CCDC175: variants seen among roughly 807,000 people sequenced by gnomAD.
CCDC175 encodes coiled-coil domain-containing protein 175.
A neutral mutation model predicts 114.6 loss-of-function variants in CCDC175; 100 were observed. That is an observed-to-expected ratio of 0.87 (90% CI 0.74 to 1.03). The LOEUF (loss-of-function observed/expected upper bound fraction) is 1.03. Ranked by LOEUF, CCDC175 falls within the 50% of genes least tolerant of loss-of-function variation. The pLI is 0.00. For missense variants in CCDC175, 880 were observed against 917.8 expected (o/e 0.96, Z 0.53); for synonymous variants, 306 against 308.7 (o/e 0.99, Z 0.09).
At chr14:59,541,289 C>T (rs879123829) in intron 10 of CCDC175, among the ~76,000 whole-genome samples, 2 of 152,166 alleles carry the variant, frequency 1.3e-5, no homozygotes, top group South Asian at 4.1e-4. Flanking sequence ...AATATAGTTT[C>T]TTGAACTGGG....
chr14:59,514,477 T>C (rs933105388), intron 17 of CCDC175, among the ~76,000 whole-genome samples: 1 of 152,110 alleles, frequency 6.6e-6, no homozygotes, highest in Non-Finnish European at 1.5e-5. Flanking sequence ...TTAAAGGACC[T>C]GATGGAGCTG....
chr14:59,531,964 C>T, intron 13 of CCDC175, 54 bp from the exon 14 acceptor site: 2 of 862,648 alleles, frequency 2.3e-6, no homozygotes, highest in Admixed American at 2.9e-5. Flanking sequence ...ATTCACACAA[C>T]AATTTAAAGT....
chr14:59,534,059 T>TA (rs1308263177), intron 13 of CCDC175, among the ~76,000 whole-genome samples: 1 of 151,598 alleles, frequency 6.6e-6, no homozygotes, highest in African/African-American at 2.4e-5. Flanking sequence ...GAATAGCCTG[T>TA]AAATACAAGT....
chr14:59,510,444 C>A (rs774933151), intron 19 of CCDC175: 3 of 498,008 alleles, frequency 6.0e-6, no homozygotes, highest in Admixed American at 3.4e-5. Context: ...CTAGAAAATT[C>A]TCTTAGGTGA....
At chr14:59,547,533 T>C (rs948113569) in intron 8 of CCDC175, among the ~76,000 whole-genome samples, 7 of 152,168 alleles carry the variant, frequency 4.6e-5, no homozygotes, top group African/African-American at 1.7e-4. Flanking sequence ...GAGTCAACAA[T>C]CCACATATAC....
At chr14:59,529,127 G>A (rs544109376) in intron 14 of CCDC175, among the ~76,000 whole-genome samples, 6 of 152,180 alleles carry the variant, frequency 3.9e-5, no homozygotes, top group South Asian at 2.1e-4. Flanking sequence ...ATCGAATGTC[G>A]GTGCTGTTGT....
chr14:59,510,939 C>A, intron 18 of CCDC175, 131 bp from the exon 19 acceptor site: 2 of 764,698 alleles, frequency 2.6e-6, no homozygotes, highest in Admixed American at 2.8e-5. Flanking sequence ...AAAATAAGTG[C>A]TTGTGTACAC....
chr14:59,519,895 G>A (rs1465418853), intron 17 of CCDC175, among the ~76,000 whole-genome samples: 1 of 152,218 alleles, frequency 6.6e-6, no homozygotes, highest in Non-Finnish European at 1.5e-5. Flanking sequence ...CTGCTACATG[G>A]AGAGGCCATG....
At chr14:59,538,935 T>C in intron 11 of CCDC175, 95 bp from the exon 12 acceptor site, 1 of 1,163,502 alleles carries the variant, frequency 8.6e-7, no homozygotes, top group Non-Finnish European at 1.2e-6. Context: ...ATACTATGAC[T>C]ACACAAAATT....
intron 4 of CCDC175, among the ~76,000 whole-genome samples, chr14:59,566,893 G>C (rs924453284): frequency 6.6e-6 from 1 of 152,190 alleles, no homozygotes. Context: ...TTTCCGTAAA[G>C]ATTTGTCTAG....
intron 4 of CCDC175, 69 bp from the exon 5 acceptor site, chr14:59,565,344 G>T: frequency 8.3e-7 from 1 of 1,208,116 alleles, no homozygotes; most frequent in Non-Finnish European, 1.1e-6. Flanking sequence ...TGTGTGGTGA[G>T]AAGAGCCCTC....
At chr14:59,511,026 A>G (rs181652447) in intron 18 of CCDC175, among the ~76,000 whole-genome samples, 19 of 152,326 alleles carry the variant, frequency 1.2e-4, no homozygotes, top group Admixed American at 5.9e-4. Context: ...ATGCTCACTG[A>G]ACTCAAATTT....
chr14:59,540,574 T>A, intron 11 of CCDC175, 101 bp downstream of exon 11: 3 of 1,236,602 alleles, frequency 2.4e-6, no homozygotes, highest in Non-Finnish European at 3.3e-6. Flanking sequence ...TTCCCTTGGG[T>A]TCTAGTAACA....
At chr14:59,552,949 G>A (rs1895620507) in intron 7 of CCDC175, among the ~76,000 whole-genome samples, 1 of 152,196 alleles carries the variant, frequency 6.6e-6, no homozygotes, top group Non-Finnish European at 1.5e-5. Context: ...AAGCCTCCAA[G>A]AAATATGGGA....
At chr14:59,537,901 T>C in intron 13 of CCDC175, 122 bp downstream of exon 13, 1 of 624,824 alleles carries the variant, frequency 1.6e-6, no homozygotes, top group Non-Finnish European at 2.5e-6. Context: ...AATGAAATTG[T>C]AGCCTCTTTC....
chr14:59,532,603 G>A (rs1894134014), intron 13 of CCDC175, among the ~76,000 whole-genome samples: 1 of 152,226 alleles, frequency 6.6e-6, no homozygotes, highest in Admixed American at 6.5e-5. Flanking sequence ...GTGGGTGGGT[G>A]TGACCAAGGA....
At chr14:59,558,408 T>C (rs936615411) in intron 7 of CCDC175, among the ~76,000 whole-genome samples, 27 of 152,200 alleles carry the variant, frequency 1.8e-4, no homozygotes, top group African/African-American at 6.3e-4. Context: ...CCAGAAAAGA[T>C]CACGGCTGTT....
In CCDC175 at chr14:59,538,047, T is replaced by C. The variant is rs540382996; in HGVS notation, c.1599A>G (p.Leu533=). The C allele has an allele frequency of 3.9e-5, 60 of 1,530,330 alleles. No homozygotes were observed. In the South Asian group the frequency reaches 6.0e-4, roughly 15 times the overall value. 94.8% of individuals were successfully genotyped at this position (1,530,330 alleles called of 1,614,324 possible). A position where few individuals can be genotyped will look rare whatever the true frequency, so the allele number is the denominator to read the frequency against. ...CCTCATACTTGCTTAACTCTTTCAT[T>C]AACATTTTTTCTTTGTTAACAAATG... ...EKAFVNKEKM[L]MKELSKYEEI... is the part of the protein sequence containing the mutation. The change falls in exon 13 of 20, where the codon TTA becomes TTG. Residue 533 remains leucine (L), a synonymous_variant. Transcript: ENST00000537690.
chr14:59,517,749 G>C (rs909525960), intron 17 of CCDC175, among the ~76,000 whole-genome samples: 14 of 152,116 alleles, frequency 9.2e-5, no homozygotes, highest in African/African-American at 3.4e-4. Flanking sequence ...TACTGCCCAA[G>C]GTAATTTATA....
Sources: allele counts gnomAD v4.1 joint callset (sites outside exome capture counted in the v4.1 genomes callset), GRCh38; gene constraint gnomAD v4.1.1; transcripts MANE v1.5; gene names NCBI Gene and HGNC (gene_info 2026-07-23, HGNC 2026-07-21).